CYP2C8: variants seen among roughly 807,000 people sequenced by gnomAD.
The protein encoded by CYP2C8 is cytochrome P450 family 2 subfamily C member 8, also known as cytochrome P450 2C8.
A neutral mutation model predicts 41.3 loss-of-function variants in CYP2C8; 51 were observed. That is an observed-to-expected ratio of 1.24 (90% CI 0.99 to 1.56). The LOEUF (loss-of-function observed/expected upper bound fraction) is 1.56. Ranked by LOEUF, CYP2C8 falls within the 40% of genes most tolerant of loss-of-function variation. CYP2C8 has a pLI of 0.00. For missense variants in CYP2C8, 651 were observed against 579.9 expected (o/e 1.12, Z -1.26); for synonymous variants, 218 against 205.8 (o/e 1.06, Z -0.51).
At chr10:95,062,604 T>C (rs991841534) in intron 4 of CYP2C8, among the ~76,000 whole-genome samples, 1 of 152,154 alleles carries the variant, frequency 6.6e-6, no homozygotes, top group Non-Finnish European at 1.5e-5. Flanking sequence ...AGTTTCCCAG[T>C]CTGTGTCTTT....
At chr10:95,043,714 G>A (rs1442075469) in intron 6 of CYP2C8, among the ~76,000 whole-genome samples, 4 of 151,444 alleles carry the variant, frequency 2.6e-5, no homozygotes, top group Admixed American at 2.0e-4. Flanking sequence ...ATAGACACAC[G>A]CCCACAAAGT....
rs2032890484 is a variant in CYP2C8, at chr10:95,036,783, T to C, written c.*345A>G. The C allele has an allele frequency of 3.1e-6, 1 of 322,252 alleles. No individual in the cohort carries two copies. Among genetic ancestry groups the C allele is most frequent in the Non-Finnish European group, 6.0e-6 (1 of 167,634 alleles). The allele number at this position is 322,252 out of a possible 1,614,324, so 20.0% of individuals were successfully genotyped here. ...GAAAGTCTGAGAACTGAACCAGCAA[T>C]TAATAACACTTTTTATTTAGCACAT... On this transcript the variant is annotated 3_prime_UTR_variant, in exon 9 of 9. Transcript: ENST00000371270.
chr10:95,036,856 TG>T lies in CYP2C8; in HGVS notation c.*271del. ...TTATCATTCATTAATCACTTTTCTG[TG>T]TTTTACAGTGATAACATATTAAAAA... On this transcript the variant is annotated 3_prime_UTR_variant, in exon 9 of 9. Transcript: ENST00000371270. The T allele has an allele frequency of 2.3e-6, 1 of 434,628 alleles. No individual in the cohort carries two copies. Among genetic ancestry groups the T allele is most frequent in the Non-Finnish European group, 4.2e-6 (1 of 238,344 alleles). 26.9% of individuals were successfully genotyped at this position (434,628 alleles called of 1,614,324 possible). A position where few individuals can be genotyped will look rare whatever the true frequency, so the allele number is the denominator to read the frequency against.
intron 4 of CYP2C8, 127 bp from the exon 5 acceptor site, chr10:95,058,638 A>G (rs2033359626): frequency 2.5e-6 from 2 of 810,016 alleles, no homozygotes. Context: ...GGAAATTTTT[A>G]TACATATATA....
intron 5 of CYP2C8, among the ~76,000 whole-genome samples, chr10:95,057,994 CAT>C (rs1190526966): frequency 1.3e-5 from 2 of 152,190 alleles, no homozygotes; most frequent in African/African-American, 2.4e-5. Context: ...TCCATTGTCA[CAT>C]AATCTATGTG....
In CYP2C8 at chr10:95,045,847, A is replaced by G. The variant is rs771704932; in HGVS notation, c.924T>C (p.Tyr308=). The G allele has an allele frequency of 6.2e-6, 10 of 1,614,042 alleles. No individual in the cohort carries two copies. Among genetic ancestry groups the G allele is most frequent in the Non-Finnish European group, 8.5e-6 (10 of 1,179,914 alleles). ...GGTGCTTCAGCAGGAGCAGGAGTCC[A>G]TATCTCAGAGTGGTGCTTGTTGTCT... is the stretch of plus-strand genomic sequence containing the variant. ...GTETTSTTLR[Y]GLLLLLKHPE... is the part of the protein sequence containing the mutation. The change falls in exon 6 of 9, where the codon TAT becomes TAC. Residue 308 remains tyrosine (Y), a synonymous_variant. Transcript: ENST00000371270.
At chr10:95,041,266 C>T in intron 7 of CYP2C8, among the ~76,000 whole-genome samples, 1 of 152,206 alleles carries the variant, frequency 6.6e-6, no homozygotes, top group East Asian at 1.9e-4. Flanking sequence ...TACTAAAATA[C>T]TTAAAACAGC....
In CYP2C8 at chr10:95,038,999, C is replaced by T. The variant is rs186285658; in HGVS notation, c.1189G>A (p.Asp397Asn). 72 of 1,613,654 alleles carry T rather than the reference C, an allele frequency of 4.5e-5. No homozygotes were observed. The East Asian group carries it at 6.9e-4, about 15-fold the overall frequency. The stretch of plus-strand genomic sequence containing the variant: ...TTTGGATTAGGAAATTCTTTGTCAT[C>T]ATGTAGCACGGAAGTCAGTAATGCC... ...IMALLTSVLH[D>N]DKEFPNPNIF... is the part of the protein sequence containing the mutation. Residue 397 changes from aspartate (D) to asparagine (N), a missense_variant, in exon 8 of 9, where the codon GAT (aspartate) becomes AAT (asparagine). Transcript: ENST00000371270.
chr10:95,068,727 C>T, intron 1 of CYP2C8: 2 of 671,266 alleles, frequency 3.0e-6, no homozygotes, highest in Admixed American at 4.7e-5. Flanking sequence ...TCACAAAATG[C>T]ATCAACTCAC....
intron 5 of CYP2C8, among the ~76,000 whole-genome samples, chr10:95,052,346 G>T (rs371871372): frequency 6.6e-6 from 1 of 152,050 alleles, no homozygotes; most frequent in East Asian, 1.9e-4. Context: ...AAGACCCAAT[G>T]ACTTCAATGA....
intron 5 of CYP2C8, among the ~76,000 whole-genome samples, chr10:95,054,380 T>A (rs1253518351): frequency 1.3e-5 from 2 of 151,888 alleles, no homozygotes; most frequent in East Asian, 3.9e-4. Context: ...ATAAAATCAC[T>A]CAAAGATATG....
At position 95,067,650 on chromosome 10, in the gene CYP2C8, G is replaced by A; in HGVS notation, c.210C>T (p.Gly70=). ...CATGAAACACCACTATGGGATTCAT[G>A]CCAAAATACACGGTGAACACAGGAC... ...VYGPVFTVYF[G]MNPIVVFHGY... Residue 70 remains glycine (G), a synonymous_variant, in exon 2 of 9, where the codon GGC becomes GGT. Coordinates refer to ENST00000371270, the MANE Select transcript of CYP2C8 (RefSeq NM_000770.3). The A allele has an allele frequency of 6.2e-7, 1 of 1,614,092 alleles. No homozygotes were observed. The highest frequency in any genetic ancestry group is 2.2e-5 in the East Asian group (1 of 44,880).
At chr10:95,067,094 G>T (rs990768481) in intron 3 of CYP2C8, 114 bp downstream of exon 3, 23 of 1,438,076 alleles carry the variant, frequency 1.6e-5, no homozygotes, top group Non-Finnish European at 2.3e-5. Flanking sequence ...CCACCTGAGG[G>T]CTGACAACCA....
chr10:95,058,524 A>G lies in CYP2C8; in HGVS notation c.643-13T>C, dbSNP rs1451154528. 1 of 1,596,160 alleles carries G rather than the reference A, an allele frequency of 6.3e-7. No individual in the cohort carries two copies. The highest frequency in any genetic ancestry group is 2.3e-5 in the East Asian group (1 of 43,908). ...AATTATTGCAGACCTAAAAGAGAAA[A>G]GAATATTAAATATAAACATGTCATA... On this transcript the variant is annotated splice_polypyrimidine_tract_variant and intron_variant, in intron 4 of 8. Transcript: ENST00000371270.
chr10:95,041,787 CAAAAAAAAAAAAAAAA>C (rs60326519), intron 7 of CYP2C8, among the ~76,000 whole-genome samples: 3 of 83,172 alleles, frequency 3.6e-5, no homozygotes, highest in Non-Finnish European at 6.7e-5. Context: ...GACTCCGTCT[CAAAAAAAAAAAAAAAA>C]AAAAAAAAAA....
chr10:95,068,758 CAGACTT>C, intron 1 of CYP2C8: 3 of 575,746 alleles, frequency 5.2e-6, no homozygotes, highest in Admixed American at 2.4e-5. Context: ...CTGACAATGA[CAGACTT>C]AGAAAGACAA....
chr10:95,043,864 G>GCACACACACA (rs58419621), intron 6 of CYP2C8, among the ~76,000 whole-genome samples: 17 of 139,270 alleles, frequency 1.2e-4, no homozygotes, highest in South Asian at 6.7e-4. Flanking sequence ...ACTCACAGAA[G>GCACACACACA]CACACACACA....
At position 95,064,807 on chromosome 10, in the gene CYP2C8, C is replaced by T. The variant is rs146962089; in HGVS notation, c.635G>A (p.Trp212Ter). 3.7e-5 allele frequency: 60 copies of T among 1,613,698 alleles called. No individual in the cohort carries two copies. In the African/African-American group the frequency reaches 6.0e-4, roughly 16 times the overall value. The change falls in exon 4 of 9, where the codon TGG becomes TAG. Residue 212 changes from tryptophan to a stop codon, truncating the protein, a stop_gained. Coordinates refer to ENST00000371270, the MANE Select transcript of CYP2C8 (RefSeq NM_000770.3). LOFTEE classifies it high-confidence loss of function. ...NENFRILNSP[W>*]IQVCNNFPLL... ...ATAAAATCTTGGCCTTACCTGGATC[C>T]ATGGGGAGTTCAGAATCCTGAAGTT...
At chr10:95,056,359 C>G (rs542250683) in intron 5 of CYP2C8, among the ~76,000 whole-genome samples, 1 of 152,180 alleles carries the variant, frequency 6.6e-6, no homozygotes, top group East Asian at 1.9e-4. Flanking sequence ...AAAAGTTAAA[C>G]ATAAAATTAC....
Sources: allele counts gnomAD v4.1 joint callset (sites outside exome capture counted in the v4.1 genomes callset), GRCh38; gene constraint gnomAD v4.1.1; transcripts MANE v1.5; gene names NCBI Gene and HGNC (gene_info 2026-07-23, HGNC 2026-07-21).